Variants in LAIR1 observed in about 807,000 individuals in gnomAD.
LAIR1 encodes the protein leukocyte-associated immunoglobulin-like receptor 1.
A neutral mutation model predicts 32.8 loss-of-function variants in LAIR1; 24 were observed. The observed-to-expected ratio is 0.73, with a 90% CI of 0.53 to 1.03. The LOEUF (loss-of-function observed/expected upper bound fraction) is 1.03, where lower values mean the gene tolerates loss of function less well. Ranked by LOEUF, LAIR1 falls within the 50% of genes least tolerant of loss-of-function variation. LAIR1 has a pLI of 0.00. For missense variants in LAIR1, 355 were observed against 347.5 expected (o/e 1.02, Z -0.17); for synonymous variants, 150 against 140.5 (o/e 1.07, Z -0.48).
intron 5 of LAIR1, 82 bp from the exon 6 acceptor site, chr19:54,356,701 C>T: frequency 2.2e-6 from 3 of 1,369,394 alleles, no homozygotes; most frequent in Non-Finnish European, 3.1e-6. Flanking sequence ...ACGTGCGTTT[C>T]ATAGACTTAC....
chr19:54,355,469 G>A lies in LAIR1; in HGVS notation c.718-55C>T. 2.7e-6 allele frequency: 4 copies of A among 1,492,668 alleles called. No individual in the cohort carries two copies. The highest frequency in any genetic ancestry group is 2.6e-5 in the South Asian group (2 of 76,818). The allele number at this position is 1,492,668 out of a possible 1,614,324, so 92.5% of individuals were successfully genotyped here. A position where few individuals can be genotyped will look rare whatever the true frequency, so the allele number is the denominator to read the frequency against. On this transcript the variant is annotated intron_variant, in intron 9 of 9. Transcript: ENST00000391742. The surrounding 1 kb of genome is among the most constrained non-coding windows in gnomAD (Gnocchi z 4.7). The stretch of plus-strand genomic sequence containing the variant: ...TGCCTGGTGGAGGGTGAGACGAGGG[G>A]CTGTGGGGAGGGAGGGCTGTGGCGG...
chr19:54,371,131 A>G (rs572510579), upstream of LAIR1, among the ~76,000 whole-genome samples: 1 of 151,208 alleles, frequency 6.6e-6, no homozygotes, highest in Non-Finnish European at 1.5e-5. Context: ...AAGCATGTCT[A>G]TTTCTGTAGT....
In LAIR1 at chr19:54,357,374, A is replaced by G. The variant is rs76675259; in HGVS notation, c.416-408T>C. 2.4e-3 allele frequency: 404 copies of G among 167,588 alleles called. 3 individuals are homozygous for G. Among genetic ancestry groups the G allele is most frequent in the African/African-American group, 9.4e-3 (395 of 42,184 alleles). The allele number at this position is 167,588 out of a possible 1,614,324, so 10.4% of individuals were successfully genotyped here. A position where few individuals can be genotyped will look rare whatever the true frequency, so the allele number is the denominator to read the frequency against. On this transcript the variant is annotated intron_variant, in intron 4 of 9. Coordinates refer to ENST00000391742, the MANE Select transcript of LAIR1 (RefSeq NM_002287.6). ...TCTAGGCAGAGACCAACCACCCGCA[A>G]CAAGAGGAAGGGAGACCTTCCCTCC...
At chr19:54,365,025 C>A, upstream of LAIR1, 1 of 1,427,202 alleles carries the variant, frequency 7.0e-7, no homozygotes, top group Non-Finnish European at 9.1e-7. Context: ...AAAAATGTCG[C>A]TTACCCTAAA....
At position 54,360,815 on chromosome 19, in the gene LAIR1, G is replaced by C. The variant is rs1475432198; in HGVS notation, c.364+101C>G. ...GGGCTTGGGGTCAGGAGGAGGACAA[G>C]GTTGGCCACAGAGGACAGCAGCTGG... is the stretch of plus-strand genomic sequence containing the variant. On this transcript the variant is annotated intron_variant, in intron 3 of 9. Coordinates refer to ENST00000391742, the MANE Select transcript of LAIR1 (RefSeq NM_002287.6). 6.0e-6 allele frequency: 7 copies of C among 1,168,066 alleles called. No homozygotes were observed. The Admixed American group carries it at 1.0e-4, about 17-fold the overall frequency. 72.4% of individuals were successfully genotyped at this position (1,168,066 alleles called of 1,614,324 possible).
At chr19:54,356,686 A>G (rs778127787) in intron 5 of LAIR1, 67 bp from the exon 6 acceptor site, 4 of 1,482,006 alleles carry the variant, frequency 2.7e-6, no homozygotes, top group Non-Finnish European at 3.8e-6. Flanking sequence ...TACCACACAC[A>G]CGTCACGTGC....
At chr19:54,362,674 G>A (rs1240073414) in intron 2 of LAIR1, among the ~76,000 whole-genome samples, 3 of 152,180 alleles carry the variant, frequency 2.0e-5, no homozygotes, top group African/African-American at 4.8e-5. Context: ...TAGTAGAGAC[G>A]GGGTTTCCCC....
upstream of LAIR1, among the ~76,000 whole-genome samples, chr19:54,366,232 C>T (rs1037650835): frequency 6.6e-6 from 1 of 152,126 alleles, no homozygotes; most frequent in Admixed American, 6.5e-5. Context: ...GAATAGACCT[C>T]ATGTTATTTG....
At position 54,364,380 on chromosome 19, in the gene LAIR1, CG is replaced by C. The variant is rs373638401; in HGVS notation, c.35-51del. 3.6e-4 allele frequency: 586 copies of C among 1,613,402 alleles called. 10 individuals carry two copies. The East Asian group carries it at 0.012, about 34-fold the overall frequency. Reference sequence around the variant, plus strand: ...AAATGCCCAGTGCCCAGTCTCCTTACGGGGCTGCTGTCAAAAGGGGGCTCGA... The same window carrying C: ...AAATGCCCAGTGCCCAGTCTCCTTACGGGCTGCTGTCAAAAGGGGGCTCGA... On this transcript the variant is annotated intron_variant, in intron 1 of 9. Coordinates refer to ENST00000391742, the MANE Select transcript of LAIR1 (RefSeq NM_002287.6). The surrounding 1 kb of genome is among the most constrained non-coding windows in gnomAD (Gnocchi z 4.8).
chr19:54,356,945 T>A lies in LAIR1; in HGVS notation c.437A>T (p.Asp146Val). Residue 146 changes from aspartate (D) to valine (V), a missense_variant, in exon 5 of 10, where the codon GAC (aspartate) becomes GTC (valine). Asp to Val is a radical substitution (Grantham distance 152). Transcript: ENST00000391742. ...TCACTCACGCTCATTGTGACTGTTG[T>A]CCGACGGCCTCTGCGTGGGTCCTGG... Reference protein sequence around the residue: ...SSAGPTQRPSDNSHNEHAPAS... With the variant: ...SSAGPTQRPSVNSHNEHAPAS... 6.2e-7 allele frequency: 1 copy of A among 1,613,926 alleles called. No homozygotes were observed. Among genetic ancestry groups the A allele is most frequent in the South Asian group, 1.1e-5 (1 of 91,018 alleles).
chr19:54,364,372 T>C lies in LAIR1; in HGVS notation c.35-42A>G, dbSNP rs928672843. 1 of 1,613,542 alleles carries C rather than the reference T, an allele frequency of 6.2e-7. No individual in the cohort carries two copies. The highest frequency in any genetic ancestry group is 1.3e-5 in the African/African-American group (1 of 74,830). The stretch of plus-strand genomic sequence containing the variant: ...AGTGAGAAAAATGCCCAGTGCCCAG[T>C]CTCCTTACGGGGCTGCTGTCAAAAG... On this transcript the variant is annotated intron_variant, in intron 1 of 9. Coordinates refer to ENST00000391742, the MANE Select transcript of LAIR1 (RefSeq NM_002287.6). The surrounding 1 kb of genome is among the most constrained non-coding windows in gnomAD (Gnocchi z 4.8).
chr19:54,362,470 G>A (rs1340162001), intron 2 of LAIR1, among the ~76,000 whole-genome samples: 1 of 152,180 alleles, frequency 6.6e-6, no homozygotes, highest in Non-Finnish European at 1.5e-5. Context: ...GACCGGTATT[G>A]ATCAAAGAAT....
At chr19:54,363,973 G>T (rs1156237174) in intron 2 of LAIR1, among the ~76,000 whole-genome samples, 2 of 152,120 alleles carry the variant, frequency 1.3e-5, no homozygotes, top group South Asian at 4.1e-4. Context: ...ATGTGATGGG[G>T]CTGATATGTT....
upstream of LAIR1, chr19:54,365,043 T>A: frequency 1.4e-6 from 2 of 1,408,310 alleles, no homozygotes; most frequent in Non-Finnish European, 1.8e-6. Context: ...AAATGTCGCT[T>A]AGAGGCAGAT....
At chr19:54,372,707 C>G (rs2082436756), upstream of LAIR1, among the ~76,000 whole-genome samples, 2 of 149,222 alleles carry the variant, frequency 1.3e-5, no homozygotes, top group South Asian at 4.5e-4. Flanking sequence ...CCAGGCTGGT[C>G]TCGGACTCCT....
intron 4 of LAIR1, among the ~76,000 whole-genome samples, chr19:54,359,271 T>C (rs1278740953): frequency 1.3e-5 from 2 of 151,872 alleles, no homozygotes; most frequent in South Asian, 4.2e-4. Context: ...TGACCCCGTG[T>C]CCTCCCCTGG....
rs544631892 is a variant in LAIR1 at position 54,353,884 on chromosome 19, C to G, written c.*1384G>C. On this transcript the variant is annotated 3_prime_UTR_variant, in exon 10 of 10. Coordinates refer to ENST00000391742, the MANE Select transcript of LAIR1 (RefSeq NM_002287.6). ...AGTAGCTGGGACTACAGGCACCCACCACCACACCCGGCTAATTTTTTTGTA... is the reference window on the plus strand; with the variant it reads ...AGTAGCTGGGACTACAGGCACCCACGACCACACCCGGCTAATTTTTTTGTA... The G allele has an allele frequency of 7.3e-6, 1 of 136,670 alleles. No individual in the cohort carries two copies. Among genetic ancestry groups the G allele is most frequent in the African/African-American group, 2.6e-5 (1 of 38,328 alleles). 8.5% of individuals were successfully genotyped at this position (136,670 alleles called of 1,614,324 possible). A position where few individuals can be genotyped will look rare whatever the true frequency, so the allele number is the denominator to read the frequency against.
chr19:54,355,437 G>A lies in LAIR1; in HGVS notation c.718-23C>T. The A allele has an allele frequency of 1.3e-6, 2 of 1,573,476 alleles. No individual in the cohort carries two copies. Among genetic ancestry groups the A allele is most frequent in the Non-Finnish European group, 1.7e-6 (2 of 1,160,434 alleles). ...GGCCTAAGAGGGAGAGACCCAGGGT[G>A]AGGGAGTGCCTGGTGGAGGGTGAGA... On this transcript the variant is annotated intron_variant, in intron 9 of 9. Coordinates refer to ENST00000391742, the MANE Select transcript of LAIR1 (RefSeq NM_002287.6). This position sits in a 1 kb window ranked among gnomAD's most constrained non-coding sequence, Gnocchi z 4.7.
chr19:54,363,509 C>T (rs970524272), intron 2 of LAIR1, among the ~76,000 whole-genome samples: 33 of 152,152 alleles, frequency 2.2e-4, no homozygotes, highest in African/African-American at 7.5e-4. Flanking sequence ...AGGGTGACCG[C>T]AGCACTACTC....
Sources: allele counts gnomAD v4.1 joint callset (sites outside exome capture counted in the v4.1 genomes callset), GRCh38; gene constraint gnomAD v4.1.1; non-coding constraint Gnocchi (gnomAD v3.1); transcripts MANE v1.5; gene names NCBI Gene and HGNC (gene_info 2026-07-23, HGNC 2026-07-21).